EXOC4: variants seen among roughly 807,000 people sequenced by gnomAD.
The protein encoded by EXOC4 is exocyst complex component 4.
A neutral mutation model predicts 107.2 loss-of-function variants in EXOC4; 71 were observed. The observed-to-expected ratio is 0.66, with a 90% CI of 0.55 to 0.81. The LOEUF is 0.81. Among genes scored for constraint, EXOC4 ranks in the 30% least tolerant of loss-of-function variants. EXOC4 has a pLI of 0.00. For missense variants in EXOC4, 1,108 were observed against 1,189.6 expected, an observed-to-expected ratio of 0.93 and a Z score of 1.01; for synonymous variants, 456 against 441.2, an observed-to-expected ratio of 1.03 and a Z score of -0.42.
At chr7:133,945,242 G>T (rs1004730386) in intron 14 of EXOC4, among the ~76,000 whole-genome samples, 4 of 152,170 alleles carry the variant, frequency 2.6e-5, no homozygotes, top group African/African-American at 9.7e-5. Flanking sequence ...CATTAGAAAT[G>T]CCTGTGCTTT....
At chr7:133,757,226 A>G (rs1363104705) in intron 10 of EXOC4, among the ~76,000 whole-genome samples, 4 of 152,204 alleles carry the variant, frequency 2.6e-5, no homozygotes, top group East Asian at 3.8e-4. Flanking sequence ...GGGAAATAAT[A>G]TAATGTTGAA....
intron 5 of EXOC4, among the ~76,000 whole-genome samples, chr7:133,324,266 T>G (rs939941435): frequency 2.0e-5 from 3 of 152,172 alleles, no homozygotes; most frequent in Non-Finnish European, 4.4e-5. Context: ...TTGAATGTGT[T>G]TGTTCTTGCT....
At chr7:133,307,349 G>A (rs1794775891) in intron 4 of EXOC4, among the ~76,000 whole-genome samples, 1 of 152,182 alleles carries the variant, frequency 6.6e-6, no homozygotes, top group Non-Finnish European at 1.5e-5. Flanking sequence ...CCTCAGCAGA[G>A]AGTGAAGTGG....
In EXOC4 at chr7:133,571,041, C is replaced by T. The variant is rs117268561; in HGVS notation, c.1418-59004C>T. Among the ~76,000 whole-genome samples the T allele has an allele frequency of 2.9e-3, 434 of 152,280 alleles. 1 individual carries two copies. Among genetic ancestry groups the T allele is most frequent in the Admixed American group, 5.5e-3 (84 of 15,300 alleles). On this transcript the variant is annotated intron_variant, in intron 9 of 17. Coordinates refer to ENST00000253861, the MANE Select transcript of EXOC4 (RefSeq NM_021807.4). ...TTATCTTCCGTGACAGTGGAATTTACAATTATTTCAAACTCTGCCTTTAAG... is the reference window on the plus strand; with the variant it reads ...TTATCTTCCGTGACAGTGGAATTTATAATTATTTCAAACTCTGCCTTTAAG...
intron 7 of EXOC4, among the ~76,000 whole-genome samples, chr7:133,425,277 G>C (rs1056061919): frequency 6.6e-6 from 1 of 152,100 alleles, no homozygotes; most frequent in African/African-American, 2.4e-5. Context: ...TTCCTCCTCA[G>C]CCAAGACACT....
At chr7:133,269,152 T>G (rs1226903890) in intron 1 of EXOC4, among the ~76,000 whole-genome samples, 1 of 152,204 alleles carries the variant, frequency 6.6e-6, no homozygotes, top group African/African-American at 2.4e-5. Context: ...TTGCCCAGAT[T>G]CAAGACTGTT....
At chr7:133,656,341 T>G (rs558126635) in intron 10 of EXOC4, among the ~76,000 whole-genome samples, 1 of 151,766 alleles carries the variant, frequency 6.6e-6, no homozygotes, top group African/African-American at 2.4e-5. Context: ...TTGGAAGAAA[T>G]AGAAAATGAA....
chr7:133,350,055 C>T (rs1795873031), intron 5 of EXOC4, among the ~76,000 whole-genome samples: 1 of 151,930 alleles, frequency 6.6e-6, no homozygotes, highest in Non-Finnish European at 1.5e-5. Context: ...TAGGAGTGCT[C>T]TATATATTTT....
At chr7:133,796,840 G>T (rs934837039) in intron 10 of EXOC4, among the ~76,000 whole-genome samples, 12 of 152,198 alleles carry the variant, frequency 7.9e-5, no homozygotes, top group Non-Finnish European at 1.5e-5. Flanking sequence ...TCCTTCCCCA[G>T]TTACGTGCCT....
At chr7:134,015,095 A>G (rs1336983684) in intron 17 of EXOC4, among the ~76,000 whole-genome samples, 2 of 152,120 alleles carry the variant, frequency 1.3e-5, no homozygotes, top group Non-Finnish European at 2.9e-5. Flanking sequence ...GAGGTGGTGA[A>G]AGAAGAGACC....
At chr7:134,055,433 AC>A (rs1795897998) in intron 17 of EXOC4, among the ~76,000 whole-genome samples, 1 of 152,206 alleles carries the variant, frequency 6.6e-6, no homozygotes, top group Non-Finnish European at 1.5e-5. Flanking sequence ...ACGAATTGGC[AC>A]CTGCCAGAAT....
chr7:133,950,522 A>C (rs1187438084), intron 14 of EXOC4, among the ~76,000 whole-genome samples: 1 of 141,382 alleles, frequency 7.1e-6, no homozygotes, highest in Non-Finnish European at 1.6e-5. Context: ...CTTAGGCCTC[A>C]GGGTCTGCTC....
intron 9 of EXOC4, among the ~76,000 whole-genome samples, chr7:133,623,906 C>T (rs1321251619): frequency 1.3e-5 from 2 of 152,116 alleles, no homozygotes; most frequent in African/African-American, 4.8e-5. Flanking sequence ...TAAGCACTTA[C>T]TAAGGAATGT....
intron 10 of EXOC4, among the ~76,000 whole-genome samples, chr7:133,715,408 C>T (rs1379701051): frequency 6.6e-5 from 10 of 152,154 alleles, no homozygotes; most frequent in Admixed American, 4.6e-4. Context: ...ACCACAAAAA[C>T]GGATCCGGTC....
chr7:133,884,063 C>G (rs1799025141), intron 11 of EXOC4, among the ~76,000 whole-genome samples: 1 of 152,072 alleles, frequency 6.6e-6, no homozygotes, highest in Non-Finnish European at 1.5e-5. Context: ...TTGAATATGC[C>G]CCAATAAACA....
intron 9 of EXOC4, among the ~76,000 whole-genome samples, chr7:133,562,031 C>A (rs1277993867): frequency 1.3e-5 from 2 of 152,104 alleles, no homozygotes; most frequent in African/African-American, 2.4e-5. Flanking sequence ...GTTTTTGCAA[C>A]CAGAAATATG....
chr7:133,317,343 G>A lies in EXOC4; in HGVS notation c.716G>A (p.Arg239Gln), dbSNP rs544415669. The change falls in exon 5 of 18, where the codon CGA becomes CAA. Residue 239 changes from arginine (R) to glutamine (Q), a missense_variant. Arg to Gln is a conservative substitution (Grantham distance 43). Coordinates refer to ENST00000253861, the MANE Select transcript of EXOC4 (RefSeq NM_021807.4). ...LIDVTNLPTP[R>Q]KFLDTSHYST... ...GATGTTACAAACCTCCCTACTCCTCGAAAATTCCTTGATACCTCTCACTAT... is the reference window on the plus strand; with the variant it reads ...GATGTTACAAACCTCCCTACTCCTCAAAAATTCCTTGATACCTCTCACTAT... 7 of 1,613,594 alleles carry A rather than the reference G, an allele frequency of 4.3e-6. No homozygotes were observed. In the South Asian group the frequency reaches 4.4e-5, roughly 10 times the overall value.
At chr7:133,686,135 C>T (rs1794293384) in intron 10 of EXOC4, among the ~76,000 whole-genome samples, 1 of 152,024 alleles carries the variant, frequency 6.6e-6, no homozygotes, top group Non-Finnish European at 1.5e-5. Context: ...ACAGTCAGCC[C>T]CCTGCCCATG....
In EXOC4 at chr7:133,288,906, A is replaced by G. The variant is rs771806112; in HGVS notation, c.277-16A>G. 6.8e-6 allele frequency: 11 copies of G among 1,612,688 alleles called. No homozygotes were observed. Among genetic ancestry groups the G allele is most frequent in the East Asian group, 2.2e-5 (1 of 44,872 alleles). On this transcript the variant is annotated splice_polypyrimidine_tract_variant and intron_variant, in intron 2 of 17. Coordinates refer to ENST00000253861, the MANE Select transcript of EXOC4 (RefSeq NM_021807.4). ...AGACTTTGGACTGACCCAAGACCGAATCTGTTTTATTGTAGGTAAAAGAGA... is the reference window on the plus strand; with the variant it reads ...AGACTTTGGACTGACCCAAGACCGAGTCTGTTTTATTGTAGGTAAAAGAGA...
Sources: gnomAD v4.1 joint callset for allele counts (sites outside exome capture counted in the v4.1 genomes callset) on GRCh38, gnomAD v4.1.1 for gene constraint, MANE v1.5 for transcripts, NCBI Gene and HGNC (gene_info 2026-07-23, HGNC 2026-07-21) for gene names.